ILDR2: variants seen among roughly 807,000 people sequenced by gnomAD.
The protein encoded by ILDR2 is immunoglobulin-like domain-containing receptor 2.
A neutral mutation model predicts 66.8 loss-of-function variants in ILDR2; 25 were observed. The observed-to-expected ratio is 0.37, with a 90% CI of 0.27 to 0.52. The LOEUF (loss-of-function observed/expected upper bound fraction) is 0.52. Ranked by LOEUF, ILDR2 falls within the 20% of genes least tolerant of loss-of-function variation. The pLI is 0.88. For missense variants in ILDR2, 827 were observed against 876.8 expected, an observed-to-expected ratio of 0.94 and a Z score of 0.72; for synonymous variants, 367 against 357.2, an observed-to-expected ratio of 1.03 and a Z score of -0.31.
At chr1:166,950,201 T>C (rs542642124) in intron 3 of ILDR2, among the ~76,000 whole-genome samples, 22 of 152,358 alleles carry the variant, frequency 1.4e-4, no homozygotes, top group Middle Eastern at 6.8e-3. Flanking sequence ...GTAAACTTTT[T>C]CTTCCTTCTC....
At chr1:166,903,569 T>G (rs1290381714), downstream of ILDR2, among the ~76,000 whole-genome samples, 2 of 152,166 alleles carry the variant, frequency 1.3e-5, no homozygotes, top group East Asian at 3.8e-4. Context: ...TGGTTAGCTA[T>G]CCAGATAAGA....
In ILDR2 at chr1:166,920,845, G is replaced by T; in HGVS notation, c.1746C>A (p.Asp582Glu). The T allele has an allele frequency of 6.6e-7, 1 of 1,513,824 alleles. No homozygotes were observed. The highest frequency in any genetic ancestry group is 8.8e-7 in the Non-Finnish European group (1 of 1,134,986). The allele number at this position is 1,513,824 out of a possible 1,614,324, so 93.8% of individuals were successfully genotyped here. The change falls in exon 9 of 10, where the codon GAC becomes GAA. Residue 582 changes from aspartate to glutamate, a missense_variant. By Grantham distance (45) the Asp-to-Glu change is conservative. Coordinates refer to ENST00000271417, the MANE Select transcript of ILDR2 (RefSeq NM_199351.3). ...GCGCGTCGTCGGACGCGTCCTCCTG[G>T]TCGTCCTGCGACGAGCCGGCCTTGT... ...GTYKAGSSQD[D>E]QEDASDDALP...
chr1:166,909,398 T>C lies in ILDR2; in HGVS notation c.*9957A>G, dbSNP rs1659413840. On this transcript the variant is annotated 3_prime_UTR_variant, in exon 10 of 10. Transcript: ENST00000271417. ...GGTTTGTTCTCAGTTCCTACAGCTC[T>C]TCCAGCCTGTGAGCTACTCCAGGAT... The C allele has an allele frequency of 6.6e-6, 1 of 152,146 alleles. No homozygotes were observed. Among genetic ancestry groups the C allele is most frequent in the Non-Finnish European group, 1.5e-5 (1 of 68,032 alleles). The allele number at this position is 152,146 out of a possible 1,614,324, so 9.4% of individuals were successfully genotyped here.
In ILDR2 at chr1:166,908,589, G is replaced by C. The variant is rs375707983; in HGVS notation, c.*10766C>G. The C allele has an allele frequency of 6.6e-6, 1 of 152,162 alleles. No individual in the cohort carries two copies. Among genetic ancestry groups the C allele is most frequent in the Non-Finnish European group, 1.5e-5 (1 of 68,038 alleles). 9.4% of individuals were successfully genotyped at this position (152,162 alleles called of 1,614,324 possible). On this transcript the variant is annotated 3_prime_UTR_variant, in exon 10 of 10. Transcript: ENST00000271417. Reference sequence around the variant, plus strand: ...TTGCCCAGCATTAAGTATTTTTCTTGAAACTGTCTGGAACCTCTAACAAAA... The same window carrying C: ...TTGCCCAGCATTAAGTATTTTTCTTCAAACTGTCTGGAACCTCTAACAAAA...
At chr1:166,973,280 GC>G (rs1216738767) in intron 1 of ILDR2, among the ~76,000 whole-genome samples, 1 of 152,072 alleles carries the variant, frequency 6.6e-6, no homozygotes, top group African/African-American at 2.4e-5. Context: ...AAAACAAAAA[GC>G]CCTCCAGCAA....
chr1:166,910,803 G>A lies in ILDR2; in HGVS notation c.*8552C>T, dbSNP rs1659456659. 6.6e-6 allele frequency: 1 copy of A among 152,342 alleles called. No individual in the cohort carries two copies. Among genetic ancestry groups the A allele is most frequent in the South Asian group, 2.1e-4 (1 of 4,828 alleles). The allele number at this position is 152,342 out of a possible 1,614,324, so 9.4% of individuals were successfully genotyped here. ...CTACTTCTTATTTCTTGAAATGAAA[G>A]CATATAAAAATTGGATTAGAATTAG... On this transcript the variant is annotated 3_prime_UTR_variant, in exon 10 of 10. Transcript: ENST00000271417.
chr1:166,947,700 C>A (rs1210932290), intron 3 of ILDR2, among the ~76,000 whole-genome samples: 2 of 152,126 alleles, frequency 1.3e-5, no homozygotes, highest in African/African-American at 4.8e-5. Flanking sequence ...CGGGTCCACC[C>A]GACTACAATG....
At position 166,921,271 on chromosome 1, in the gene ILDR2, C is replaced by T; in HGVS notation, c.1320G>A (p.Arg440=). ...LAAFADSYGQ[R]PRRADGNSHE... The stretch of plus-strand genomic sequence containing the variant: ...GACTGTTGCCGTCTGCCCGGCGGGG[C>T]CGCTGGCCGTAGGAGTCAGCGAAGG... The change falls in exon 9 of 10, where the codon CGG becomes CGA. Residue 440 remains arginine (R), a synonymous_variant. Transcript: ENST00000271417. The surrounding 1 kb of genome is among the most constrained non-coding windows in gnomAD (Gnocchi z 5.3). The T allele has an allele frequency of 6.3e-7, 1 of 1,599,398 alleles. No individual in the cohort carries two copies. The highest frequency in any genetic ancestry group is 1.3e-5 in the African/African-American group (1 of 74,890).
chr1:166,900,492 C>G (rs1055531805), intron 2 of ILDR2, among the ~76,000 whole-genome samples: 2 of 152,180 alleles, frequency 1.3e-5, no homozygotes, highest in Admixed American at 1.3e-4. Context: ...GTAAAATCAA[C>G]AGGACTCAGT....
intron 6 of ILDR2, among the ~76,000 whole-genome samples, chr1:166,928,342 A>G (rs1163230464): frequency 6.6e-6 from 1 of 152,208 alleles, no homozygotes. Context: ...AAGCTTAACC[A>G]TATTTGGGCA....
chr1:166,940,713 AT>A (rs1390856095), intron 3 of ILDR2, among the ~76,000 whole-genome samples: 1 of 152,232 alleles, frequency 6.6e-6, no homozygotes, highest in Non-Finnish European at 1.5e-5. Context: ...TATCACTAAA[AT>A]ATTGTCATTT....
intron 2 of ILDR2, among the ~76,000 whole-genome samples, chr1:166,899,672 C>A (rs2038020): frequency 0.33 from 50,787 of 152,072 alleles, 8,780 homozygotes; most frequent in Non-Finnish European, 0.38. Flanking sequence ...TTTTATGGCT[C>A]AGTTGATACC....
chr1:166,975,075 T>C, intron 1 of ILDR2, 148 bp downstream of exon 1: 1 of 619,206 alleles, frequency 1.6e-6, no homozygotes, highest in Non-Finnish European at 3.0e-6. Flanking sequence ...AACACACACG[T>C]TGCCCCCTCC....
In ILDR2 at chr1:166,947,126, A is replaced by G. The variant is rs572661314; in HGVS notation, c.500-7556T>C. ...ATAAATACAAAATATTATTAGAAAT[A>G]TAACATGGTCGACTTGGCCTGAGGT... On this transcript the variant is annotated intron_variant, in intron 3 of 9. Coordinates refer to ENST00000271417, the MANE Select transcript of ILDR2 (RefSeq NM_199351.3). Among the ~76,000 whole-genome samples, 6 of 152,368 alleles carry G rather than the reference A, an allele frequency of 3.9e-5. No individual in the cohort carries two copies. In the East Asian group the frequency reaches 1.2e-3, roughly 29 times the overall value.
chr1:166,949,271 TG>T (rs770070592), intron 3 of ILDR2, among the ~76,000 whole-genome samples: 2 of 152,278 alleles, frequency 1.3e-5, no homozygotes, highest in Non-Finnish European at 2.9e-5. Flanking sequence ...AAATATCTCC[TG>T]GAAAGGCAAC....
At chr1:166,969,539 C>G (rs552278548) in intron 1 of ILDR2, among the ~76,000 whole-genome samples, 7 of 152,246 alleles carry the variant, frequency 4.6e-5, no homozygotes, top group African/African-American at 1.7e-4. Flanking sequence ...AGTTTCTGCT[C>G]TGTCACTGGG....
chr1:166,952,610 C>T (rs1420871236), intron 3 of ILDR2, among the ~76,000 whole-genome samples: 1 of 152,144 alleles, frequency 6.6e-6, no homozygotes, highest in Non-Finnish European at 1.5e-5. Flanking sequence ...GAGTCATGCT[C>T]AGTGGGAAGG....
chr1:166,964,543 G>A (rs1332014540), intron 1 of ILDR2, among the ~76,000 whole-genome samples: 11 of 152,280 alleles, frequency 7.2e-5, no homozygotes, highest in African/African-American at 2.4e-4. Context: ...AATGAAAACC[G>A]AACCTGTGAG....
rs571293603 is a variant in ILDR2 at position 166,975,355 on chromosome 1, G to A, written c.-87C>T. ...GATCGCTGTCACCCCGCGGCAGCGG[G>A]CGGCGGCGGAGCGGCGGGCACCGGG... On this transcript the variant is annotated 5_prime_UTR_variant, in exon 1 of 10. Transcript: ENST00000271417. 2.5e-5 allele frequency: 31 copies of A among 1,256,556 alleles called. No individual in the cohort carries two copies. In the East Asian group the frequency reaches 9.0e-4, roughly 36 times the overall value. The allele number at this position is 1,256,556 out of a possible 1,614,324, so 77.8% of individuals were successfully genotyped here. A position where few individuals can be genotyped will look rare whatever the true frequency, so the allele number is the denominator to read the frequency against.
Sources: allele counts gnomAD v4.1 joint callset (sites outside exome capture counted in the v4.1 genomes callset), GRCh38; gene constraint gnomAD v4.1.1; non-coding constraint Gnocchi (gnomAD v3.1); transcripts MANE v1.5; gene names NCBI Gene and HGNC (gene_info 2026-07-23, HGNC 2026-07-21).